The following C12orf56 variants were observed in gnomAD, a reference collection of about 807,000 sequenced individuals.
The protein encoded by C12orf56 is chromosome 12 open reading frame 56.
Under a neutral mutation model 69.9 loss-of-function variants are expected in C12orf56, and 71 were observed. The ratio of observed to expected loss-of-function variants is 1.02; its 90% confidence interval spans 0.84 to 1.24. C12orf56 has a LOEUF of 1.24. Ranked by LOEUF, C12orf56 falls within the 50% of genes most tolerant of loss-of-function variation. C12orf56 has a pLI of 0.00. For missense variants in C12orf56, 732 were observed against 738.5 expected, an observed-to-expected ratio of 0.99 and a Z score of 0.10; for synonymous variants, 276 against 274.1, an observed-to-expected ratio of 1.01 and a Z score of -0.07.
intron 1 of C12orf56, among the ~76,000 whole-genome samples, chr12:64,362,075 C>T (rs769346213): frequency 2.0e-5 from 3 of 151,932 alleles, no homozygotes; most frequent in South Asian, 2.1e-4. Flanking sequence ...TTTATGGACT[C>T]GCCTCGAATT....
intron 1 of C12orf56, among the ~76,000 whole-genome samples, chr12:64,370,523 C>T (rs1188506655): frequency 6.6e-6 from 1 of 151,706 alleles, no homozygotes. Flanking sequence ...TGGTGGCACA[C>T]ACCTGTAGTC....
intron 6 of C12orf56, among the ~76,000 whole-genome samples, chr12:64,301,768 T>C (rs964524646): frequency 2.6e-5 from 4 of 152,180 alleles, no homozygotes; most frequent in African/African-American, 9.7e-5. Flanking sequence ...GCCCGACCCT[T>C]GGTTTGGTCC....
intron 4 of C12orf56, among the ~76,000 whole-genome samples, chr12:64,316,878 A>G (rs1393037893): frequency 1.3e-5 from 2 of 152,226 alleles, no homozygotes; most frequent in African/African-American, 4.8e-5. Flanking sequence ...TGCATAGACT[A>G]TTTATAGCTT....
intron 12 of C12orf56, 69 bp from the exon 13 acceptor site, chr12:64,267,357 T>C: frequency 8.3e-7 from 1 of 1,204,444 alleles, no homozygotes; most frequent in Non-Finnish European, 1.2e-6. Context: ...GTCACTTGAG[T>C]ACATTCACAC....
At chr12:64,357,655 C>T (rs551877668) in intron 1 of C12orf56, among the ~76,000 whole-genome samples, 2 of 152,008 alleles carry the variant, frequency 1.3e-5, no homozygotes, top group Admixed American at 6.6e-5. Context: ...CCAACAGTTT[C>T]GGAGGCCAAG....
rs1428563959 is a variant in C12orf56, at chr12:64,318,994, T to A, written c.489-14A>T. ...TCCTGCTGGTCCCTGTCAGGTAGAA[T>A]TTAGTATTAAACATGACATGCAAAA... On this transcript the variant is annotated splice_polypyrimidine_tract_variant and intron_variant, in intron 3 of 12. Transcript: ENST00000543942. 1 of 1,454,450 alleles carries A rather than the reference T, an allele frequency of 6.9e-7. No individual in the cohort carries two copies. The highest frequency in any genetic ancestry group is 2.5e-5 in the East Asian group (1 of 40,150). 90.1% of individuals were successfully genotyped at this position (1,454,450 alleles called of 1,614,324 possible).
intron 1 of C12orf56, among the ~76,000 whole-genome samples, chr12:64,376,652 C>T (rs1359944256): frequency 6.6e-6 from 1 of 150,936 alleles, no homozygotes; most frequent in African/African-American, 2.4e-5. Context: ...TGTCATTCCC[C>T]ACTATGTGTC....
intron 5 of C12orf56, among the ~76,000 whole-genome samples, chr12:64,309,487 C>T (rs2038577033): frequency 8.9e-6 from 1 of 112,044 alleles, no homozygotes; most frequent in Non-Finnish European, 1.8e-5. Context: ...AGCATACTCA[C>T]ACTGTTTTTT....
intron 6 of C12orf56, among the ~76,000 whole-genome samples, chr12:64,295,664 C>T (rs1045069815): frequency 8.0e-5 from 12 of 150,526 alleles, no homozygotes; most frequent in Non-Finnish European, 1.5e-4. Context: ...GAGTGAGACT[C>T]CATCTCAAAA....
intron 3 of C12orf56, among the ~76,000 whole-genome samples, chr12:64,326,199 C>T (rs2038836615): frequency 6.6e-6 from 1 of 152,044 alleles, no homozygotes; most frequent in Admixed American, 6.5e-5. Flanking sequence ...GAAAAAGTCT[C>T]CAGGGCACAG....
At chr12:64,346,330 G>A (rs2039141701) in intron 2 of C12orf56, among the ~76,000 whole-genome samples, 1 of 152,080 alleles carries the variant, frequency 6.6e-6, no homozygotes, top group Non-Finnish European at 1.5e-5. Flanking sequence ...ACATTTTTCT[G>A]CCTGCTTTAT....
intron 2 of C12orf56, among the ~76,000 whole-genome samples, chr12:64,336,198 C>A (rs576482202): frequency 2.6e-5 from 4 of 152,262 alleles, no homozygotes; most frequent in South Asian, 4.1e-4. Flanking sequence ...GGAGTGTTTT[C>A]TATCTTGTAA....
In C12orf56 at chr12:64,390,497, C is replaced by T. The variant is rs533454968; in HGVS notation, c.69G>A (p.Arg23=). ...CGTCGTAGACCTCGGGCGGCAGATG[C>T]CGCCGCAGGAACACATCCAGGCGGC... ...RNSRLDVFLR[R]HLPPEVYDAV... The change falls in exon 1 of 13, where the codon CGG becomes CGA. Residue 23 remains arginine, a synonymous_variant. Coordinates refer to ENST00000543942, the MANE Select transcript of C12orf56 (RefSeq NM_001170633.2). The T allele has an allele frequency of 4.6e-5, 74 of 1,601,824 alleles. 1 individual carries two copies. The Middle Eastern group carries it at 5.0e-4, about 11-fold the overall frequency.
intron 8 of C12orf56, among the ~76,000 whole-genome samples, chr12:64,278,579 C>G (rs905249978): frequency 6.6e-6 from 1 of 152,092 alleles, no homozygotes; most frequent in African/African-American, 2.4e-5. Flanking sequence ...GTATGCATCA[C>G]CTCACATGCT....
In C12orf56 at chr12:64,277,742, G is replaced by C; in HGVS notation, c.1372C>G (p.Pro458Ala). Residue 458 changes from proline (P) to alanine (A), a missense_variant, in exon 9 of 13, where the codon CCT becomes GCT. Pro to Ala is a conservative substitution (Grantham distance 27). Coordinates refer to ENST00000543942, the MANE Select transcript of C12orf56 (RefSeq NM_001170633.2). The part of the protein sequence containing the change: ...ISEPQIPKSC[P>A]VFDIQLVADS... Reference sequence around the variant, plus strand: ...GCCACCAACTGGATATCAAACACAGGACAAGATTTTGGAATCTGAGGCTCA... The same window carrying C: ...GCCACCAACTGGATATCAAACACAGCACAAGATTTTGGAATCTGAGGCTCA... The C allele has an allele frequency of 6.2e-7, 1 of 1,602,156 alleles. No homozygotes were observed. The highest frequency in any genetic ancestry group is 8.5e-7 in the Non-Finnish European group (1 of 1,173,096).
At chr12:64,358,482 A>AATAATAATCATCATCATCATC (rs11275269) in intron 1 of C12orf56, among the ~76,000 whole-genome samples, 13,179 of 125,298 alleles carry the variant, frequency 0.11, 944 homozygotes, top group East Asian at 0.16. Context: ...TAATAATAAT[A>AATAATAATCATCATCATCATC]ATCATCATCA....
intron 6 of C12orf56, among the ~76,000 whole-genome samples, chr12:64,302,242 C>T (rs758367839): frequency 3.9e-5 from 6 of 152,246 alleles, no homozygotes; most frequent in East Asian, 3.9e-4. Flanking sequence ...TTTTAGACTA[C>T]GCAGCACTAC....
At chr12:64,386,005 A>C (rs545258880) in intron 1 of C12orf56, among the ~76,000 whole-genome samples, 30 of 152,134 alleles carry the variant, frequency 2.0e-4, no homozygotes, top group African/African-American at 7.0e-4. Context: ...CTATAAATAA[A>C]TTAAATTAAT....
rs983656719 is a variant in C12orf56 at position 64,307,371 on chromosome 12, T to C, written c.969-3592A>G. Reference sequence around the variant, plus strand: ...TTGGTATTGCTGATAGTCAGTCCTTTTTTTTTTTTTTTTTTTGAGACGGAG... The same window carrying C: ...TTGGTATTGCTGATAGTCAGTCCTTCTTTTTTTTTTTTTTTTGAGACGGAG... On this transcript the variant is annotated intron_variant, in intron 5 of 12. Coordinates refer to ENST00000543942, the MANE Select transcript of C12orf56 (RefSeq NM_001170633.2). Among the ~76,000 whole-genome samples the C allele has an allele frequency of 2.1e-5, 3 of 144,688 alleles. No individual in the cohort carries two copies. The Admixed American group carries it at 2.1e-4, about 10-fold the overall frequency. 94.9% of individuals were successfully genotyped at this position (144,688 alleles called of 152,430 possible). A position where few individuals can be genotyped will look rare whatever the true frequency, so the allele number is the denominator to read the frequency against.
Sources: allele counts gnomAD v4.1 joint callset (sites outside exome capture counted in the v4.1 genomes callset), GRCh38; gene constraint gnomAD v4.1.1; transcripts MANE v1.5; gene names NCBI Gene and HGNC (gene_info 2026-07-23, HGNC 2026-07-21).